Variants in AGAP1 observed in about 807,000 individuals in gnomAD.
The protein encoded by AGAP1 is ArfGAP with GTPase domain, ankyrin repeat and PH domain 1.
AGAP1 carries 29 observed loss-of-function variants against 105.3 expected under a neutral mutation model. That is an observed-to-expected ratio of 0.28 (90% CI 0.21 to 0.38). The LOEUF (loss-of-function observed/expected upper bound fraction) is 0.38. AGAP1 is among the 10% of genes least tolerant of loss of function. AGAP1 has a pLI of 1.00. For synonymous variants in AGAP1, 509 were observed against 485.9 expected (o/e 1.05, Z -0.63); for missense variants, 998 against 1,165.1 (o/e 0.86, Z 2.09).
chr2:235,763,703 A>G (rs551593873), intron 6 of AGAP1, among the ~76,000 whole-genome samples: 31 of 152,272 alleles, frequency 2.0e-4, no homozygotes, highest in African/African-American at 7.2e-4. Flanking sequence ...CACACTGGGT[A>G]TATTCATTTT....
chr2:235,730,001 T>C (rs2149603597), intron 3 of AGAP1, among the ~76,000 whole-genome samples: 1 of 152,208 alleles, frequency 6.6e-6, no homozygotes, highest in Admixed American at 6.5e-5. Flanking sequence ...TCAAATCACG[T>C]AGGATTTCTT....
At chr2:235,641,703 C>T (rs1246534127) in intron 1 of AGAP1, among the ~76,000 whole-genome samples, 1 of 152,156 alleles carries the variant, frequency 6.6e-6, no homozygotes, top group Non-Finnish European at 1.5e-5. Flanking sequence ...TTATTTATTT[C>T]ACAAACAATG....
At position 235,944,848 on chromosome 2, in the gene AGAP1, A is replaced by T. The variant is rs114765017; in HGVS notation, c.1483+13925A>T. ...AGGCTGCGGCATCGATTCTGACCACACATTCTGGAAAAATTATCATCCTAC... is the reference window on the plus strand; with the variant it reads ...AGGCTGCGGCATCGATTCTGACCACTCATTCTGGAAAAATTATCATCCTAC... On this transcript the variant is annotated intron_variant, in intron 12 of 17. Coordinates refer to ENST00000304032, the MANE Select transcript of AGAP1 (RefSeq NM_001037131.3). Among the ~76,000 whole-genome samples, 3 of 152,212 alleles carry T rather than the reference A, an allele frequency of 2.0e-5. No individual in the cohort carries two copies. The East Asian group carries it at 5.8e-4, about 30-fold the overall frequency.
rs555656471 is a variant in AGAP1 at position 235,579,542 on chromosome 2, T to G, written c.163+84693T>G. Reference sequence around the variant, plus strand: ...TGTAATCCCAGCACTTTGGGAGGCCTAGGCGGGCAGATCACGAGGTCAGGA... The same window carrying G: ...TGTAATCCCAGCACTTTGGGAGGCCGAGGCGGGCAGATCACGAGGTCAGGA... On this transcript the variant is annotated intron_variant, in intron 1 of 17. Transcript: ENST00000304032. Among the ~76,000 whole-genome samples the G allele has an allele frequency of 3.0e-3, 456 of 152,084 alleles. 3 individuals are homozygous for G. Among genetic ancestry groups the G allele is most frequent in the African/African-American group, 0.01 (433 of 41,482 alleles).
chr2:235,771,997 A>ACTTTTTTTT (rs377170250), intron 6 of AGAP1, among the ~76,000 whole-genome samples: 1 of 131,666 alleles, frequency 7.6e-6, no homozygotes. Flanking sequence ...TTCTTTTCTT[A>ACTTTTTTTT]TCTTTTTTTT....
chr2:235,556,755 G>A lies in AGAP1; in HGVS notation c.163+61906G>A, dbSNP rs1054068733. On this transcript the variant is annotated intron_variant, in intron 1 of 17. Transcript: ENST00000304032. This position sits in a 1 kb window ranked among gnomAD's most constrained non-coding sequence, Gnocchi z 5.3. ...AGATGAATATTAAACTTTTCAGACT[G>A]TAAGATCGTGAATCTGAAAGTCGTT... Among the ~76,000 whole-genome samples the A allele has an allele frequency of 1.3e-5, 2 of 152,232 alleles. No individual in the cohort carries two copies. Among genetic ancestry groups the A allele is most frequent in the Non-Finnish European group, 2.9e-5 (2 of 68,048 alleles).
At chr2:235,856,840 C>T (rs1198757817) in intron 9 of AGAP1, among the ~76,000 whole-genome samples, 1 of 152,188 alleles carries the variant, frequency 6.6e-6, no homozygotes, top group Admixed American at 6.5e-5. Flanking sequence ...GACCTGAAGG[C>T]CTCCTGCAAG....
chr2:235,812,016 C>CA (rs1162181230), intron 9 of AGAP1, among the ~76,000 whole-genome samples: 1 of 152,168 alleles, frequency 6.6e-6, no homozygotes, highest in African/African-American at 2.4e-5. Context: ...TCTTGCAGGC[C>CA]ACCCACTCTG....
Position 235,633,687 on chromosome 2 carries a change from T to G in AGAP1, c.164-75492T>G, listed in dbSNP as rs529614959. Among the ~76,000 whole-genome samples, 6 of 152,286 alleles carry G rather than the reference T, an allele frequency of 3.9e-5. No individual in the cohort carries two copies. Among genetic ancestry groups the G allele is most frequent in the Admixed American group, 1.3e-4 (2 of 15,296 alleles). On this transcript the variant is annotated intron_variant, in intron 1 of 17. Coordinates refer to ENST00000304032, the MANE Select transcript of AGAP1 (RefSeq NM_001037131.3). This position sits in a 1 kb window ranked among gnomAD's most constrained non-coding sequence, Gnocchi z 4.8. ...ATTCCTCTTGGCCTCTGTGTAACAT[T>G]TCTTCCTCTCGGGTATGGGATGGGA... is the stretch of plus-strand genomic sequence containing the variant.
At chr2:235,946,068 G>C (rs1017732787) in intron 12 of AGAP1, among the ~76,000 whole-genome samples, 1 of 151,234 alleles carries the variant, frequency 6.6e-6, no homozygotes, top group African/African-American at 2.4e-5. Context: ...CACAGATCCA[G>C]GCGGAGACAC....
intron 1 of AGAP1, among the ~76,000 whole-genome samples, chr2:235,686,552 TATATACACACACAC>T (rs1949393422): frequency 1.8e-5 from 1 of 54,326 alleles, no homozygotes; most frequent in African/African-American, 6.2e-5. Context: ...AGGAGATATA[TATATACACACACAC>T]ACACACACAC....
chr2:236,007,519 A>G (rs2056362761), intron 13 of AGAP1, among the ~76,000 whole-genome samples: 1 of 152,246 alleles, frequency 6.6e-6, no homozygotes, highest in African/African-American at 2.4e-5. Context: ...AGCAGCAGTC[A>G]TTACATAATT....
In AGAP1 at chr2:235,983,137, A is replaced by G. The variant is rs2055164344; in HGVS notation, c.1645+14514A>G. Among the ~76,000 whole-genome samples the G allele has an allele frequency of 6.6e-6, 1 of 152,102 alleles. No homozygotes were observed. The highest frequency in any genetic ancestry group is 2.4e-5 in the African/African-American group (1 of 41,420). On this transcript the variant is annotated intron_variant, in intron 13 of 17. Transcript: ENST00000304032. The surrounding 1 kb of genome is among the most constrained non-coding windows in gnomAD (Gnocchi z 4.5). ...AAGCTGGCCTCAGGGGTCTCCCAGG[A>G]TGCTGGGGCTGGTGGACGACCCCAG...
In AGAP1 at chr2:235,601,731, C is replaced by T. The variant is rs1360546026; in HGVS notation, c.163+106882C>T. Reference sequence around the variant, plus strand: ...GTGGAGCCAGGTGTGGTGGCTCACACTTGTAATCTCAGTGCTGAGGCGGGA... The same window carrying T: ...GTGGAGCCAGGTGTGGTGGCTCACATTTGTAATCTCAGTGCTGAGGCGGGA... On this transcript the variant is annotated intron_variant, in intron 1 of 17. Coordinates refer to ENST00000304032, the MANE Select transcript of AGAP1 (RefSeq NM_001037131.3). The surrounding 1 kb of genome is among the most constrained non-coding windows in gnomAD (Gnocchi z 4.4). Among the ~76,000 whole-genome samples, 1 of 152,270 alleles carries T rather than the reference C, an allele frequency of 6.6e-6. No individual in the cohort carries two copies. Among genetic ancestry groups the T allele is most frequent in the Non-Finnish European group, 1.5e-5 (1 of 68,022 alleles).
chr2:235,653,538 A>T (rs1257739619), intron 1 of AGAP1, among the ~76,000 whole-genome samples: 1 of 151,932 alleles, frequency 6.6e-6, no homozygotes, highest in Non-Finnish European at 1.5e-5. Flanking sequence ...AAATAAAATA[A>T]TAAATAAAAA....
At chr2:236,102,263 A>C (rs2125909494) in intron 16 of AGAP1, among the ~76,000 whole-genome samples, 1 of 152,152 alleles carries the variant, frequency 6.6e-6, no homozygotes, top group East Asian at 1.9e-4. Context: ...TAAAAATACA[A>C]AAAATTAGCC....
chr2:235,882,754 C>T lies in AGAP1; in HGVS notation c.1051-591C>T, dbSNP rs35062249. Among the ~76,000 whole-genome samples, 4 of 151,970 alleles carry T rather than the reference C, an allele frequency of 2.6e-5. No homozygotes were observed. Among genetic ancestry groups the T allele is most frequent in the African/African-American group, 7.3e-5 (3 of 41,370 alleles). On this transcript the variant is annotated intron_variant, in intron 9 of 17. Transcript: ENST00000304032. The surrounding 1 kb of genome is among the most constrained non-coding windows in gnomAD (Gnocchi z 4.6). The stretch of plus-strand genomic sequence containing the variant: ...CCTCCCAAAGTTCTGGGATTACAGG[C>T]GTGAGCCACCGTGCCCGGCCTGGTT...
chr2:235,951,624 C>T lies in AGAP1; in HGVS notation c.1484-16838C>T, dbSNP rs1411039618. On this transcript the variant is annotated intron_variant, in intron 12 of 17. Transcript: ENST00000304032. The surrounding 1 kb of genome is among the most constrained non-coding windows in gnomAD (Gnocchi z 4.2). ...GAAAGGCAGAATGAATGTCACCCAC[C>T]CTGGGGAAGGTGGCTCGTGTCACTA... is the stretch of plus-strand genomic sequence containing the variant. Among the ~76,000 whole-genome samples the T allele has an allele frequency of 6.6e-6, 1 of 152,084 alleles. No individual in the cohort carries two copies. The highest frequency in any genetic ancestry group is 1.5e-5 in the Non-Finnish European group (1 of 68,012).
intron 6 of AGAP1, among the ~76,000 whole-genome samples, chr2:235,774,832 G>A (rs1260165181): frequency 2.6e-5 from 4 of 152,174 alleles, no homozygotes; most frequent in Non-Finnish European, 1.5e-5. Flanking sequence ...AGATCTCTGC[G>A]GTGGGTTGAT....
Sources: gnomAD v4.1 joint callset for allele counts (sites outside exome capture counted in the v4.1 genomes callset) on GRCh38, gnomAD v4.1.1 for gene constraint, Gnocchi (gnomAD v3.1) non-coding constraint, MANE v1.5 for transcripts, NCBI Gene and HGNC (gene_info 2026-07-23, HGNC 2026-07-21) for gene names.